WASHC5: variants seen among roughly 807,000 people sequenced by gnomAD.
WASHC5 encodes WASH complex subunit strumpellin.
In WASHC5, 101 loss-of-function variants were observed where a neutral mutation model predicts 150.4. The observed-to-expected ratio is 0.67, with a 90% CI of 0.57 to 0.79. The LOEUF is 0.79. Among genes scored for constraint, WASHC5 ranks in the 30% least tolerant of loss-of-function variants. The pLI is 0.00. For synonymous variants in WASHC5, 467 were observed against 491.2 expected (o/e 0.95, Z 0.65); for missense variants, 1,195 against 1,396.3 (o/e 0.86, Z 2.30).
rs759374219 is a variant in WASHC5 at position 125,083,702 on chromosome 8, A to G, written c.186+11T>C. ...AAAGACAACAATAAAAATGCTATAG[A>G]GGAAGATTACCTTAAAATAGCTGAA... is the stretch of plus-strand genomic sequence containing the variant. On this transcript the variant is annotated intron_variant, in intron 2 of 28. Coordinates refer to ENST00000318410, the MANE Select transcript of WASHC5 (RefSeq NM_014846.4). 3 of 1,595,470 alleles carry G rather than the reference A, an allele frequency of 1.9e-6. No homozygotes were observed. The highest frequency in any genetic ancestry group is 2.6e-6 in the Non-Finnish European group (3 of 1,164,264).
rs751427090 is a variant in WASHC5, at chr8:125,052,641, T to C, written c.2098-1976A>G. Among the ~76,000 whole-genome samples the C allele has an allele frequency of 7.0e-3, 522 of 74,740 alleles. 2 individuals carry two copies. Among genetic ancestry groups the C allele is most frequent in the Middle Eastern group, 0.017 (2 of 120 alleles). The allele number at this position is 74,740 out of a possible 152,430, so 49.0% of individuals were successfully genotyped here. ...ACACACACACACACACACACACACATACATACATGTTTTTCTGCAATTTGC... is the reference window on the plus strand; with the variant it reads ...ACACACACACACACACACACACACACACATACATGTTTTTCTGCAATTTGC... On this transcript the variant is annotated intron_variant, in intron 17 of 28. Coordinates refer to ENST00000318410, the MANE Select transcript of WASHC5 (RefSeq NM_014846.4).
At chr8:125,039,526 G>C (rs1465012287) in intron 24 of WASHC5, among the ~76,000 whole-genome samples, 1 of 152,102 alleles carries the variant, frequency 6.6e-6, no homozygotes, top group Non-Finnish European at 1.5e-5. Flanking sequence ...CATTTGTTCA[G>C]CAGACATGTA....
chr8:125,078,445 G>C (rs924571879), intron 6 of WASHC5, among the ~76,000 whole-genome samples: 2 of 152,184 alleles, frequency 1.3e-5, no homozygotes, highest in African/African-American at 4.8e-5. Context: ...CCAGCATTGC[G>C]CATGTGAATG....
At chr8:125,069,105 T>C (rs577475092) in intron 9 of WASHC5, among the ~76,000 whole-genome samples, 4 of 152,292 alleles carry the variant, frequency 2.6e-5, no homozygotes, top group East Asian at 1.9e-4. Flanking sequence ...TGGCAGGCAA[T>C]TGTGTTATGA....
At chr8:125,052,617 C>T (rs915616406) in intron 17 of WASHC5, among the ~76,000 whole-genome samples, 5 of 149,470 alleles carry the variant, frequency 3.3e-5, no homozygotes, top group African/African-American at 7.5e-5. Flanking sequence ...ACTACACACA[C>T]ACACACACAC....
In WASHC5 at chr8:125,082,370, CATT is replaced by C; in HGVS notation, c.417+10_417+12del. ...ATTCTTGAATTTCATTTTAAATAAT[CATT>C]ATTACTTACTAGAAGTTGTTTTCCA... On this transcript the variant is annotated intron_variant, in intron 4 of 28. Coordinates refer to ENST00000318410, the MANE Select transcript of WASHC5 (RefSeq NM_014846.4). The C allele has an allele frequency of 1.4e-6, 2 of 1,387,904 alleles. No individual in the cohort carries two copies. The highest frequency in any genetic ancestry group is 1.2e-5 in the South Asian group (1 of 85,888). The allele number at this position is 1,387,904 out of a possible 1,614,324, so 86.0% of individuals were successfully genotyped here.
chr8:125,059,121 C>G, intron 14 of WASHC5, 101 bp downstream of exon 14: 2 of 844,140 alleles, frequency 2.4e-6, no homozygotes, highest in African/African-American at 1.7e-5. Flanking sequence ...AAATTATTTA[C>G]CTTCCTAAAA....
intron 9 of WASHC5, among the ~76,000 whole-genome samples, chr8:125,072,350 AGT>A (rs1491520845): frequency 4.3e-3 from 56 of 12,978 alleles, no homozygotes; most frequent in African/African-American, 0.023. Context: ...AAAAAAAAAA[AGT>A]GGGGGGGGGG....
rs1197583383 is a variant in WASHC5, at chr8:125,070,708, G to A, written c.1150+2445C>T. Among the ~76,000 whole-genome samples, 3 of 152,342 alleles carry A rather than the reference G, an allele frequency of 2.0e-5. No individual in the cohort carries two copies. In the East Asian group the frequency reaches 5.8e-4, roughly 29 times the overall value. ...AAATAAACTCAACTAATTAAAAACA[G>A]ATTCAGGGATTAAAAACTTCAGCCA... On this transcript the variant is annotated intron_variant, in intron 9 of 28. Coordinates refer to ENST00000318410, the MANE Select transcript of WASHC5 (RefSeq NM_014846.4).
chr8:125,058,133 G>C (rs537158859), intron 14 of WASHC5, among the ~76,000 whole-genome samples: 1 of 151,380 alleles, frequency 6.6e-6, no homozygotes, highest in Admixed American at 6.6e-5. Context: ...ATGCCGTCAA[G>C]TGTAAGAAGT....
At chr8:125,075,641 G>A (rs1282364490) in intron 7 of WASHC5, among the ~76,000 whole-genome samples, 1 of 152,038 alleles carries the variant, frequency 6.6e-6, no homozygotes, top group East Asian at 1.9e-4. Flanking sequence ...ATTCACAGTT[G>A]GCCAGGAACC....
At chr8:125,043,725 AAAGAAAG>A in intron 23 of WASHC5, 93 bp downstream of exon 23, 1 of 802,652 alleles carries the variant, frequency 1.2e-6, no homozygotes, top group Non-Finnish European at 2.1e-6. Context: ...TTTAATGACA[AAAGAAAG>A]AAGAGTAGCT....
In WASHC5 at chr8:125,049,142, A is replaced by G. The variant is rs760834906; in HGVS notation, c.2243T>C (p.Met748Thr). The change falls in exon 19 of 29, where the codon ATG becomes ACG. Residue 748 changes from methionine to threonine, a missense_variant. This residue lies in a region of WASHC5 where 997 missense variants were observed against 1,168.1 expected (regional missense o/e 0.85). Transcript: ENST00000318410. ...MPKLKELGAT[M>T]DGFHRSFEYI... is the part of the protein sequence containing the mutation. Reference sequence around the variant, plus strand: ...TTCAAAAGAACGATGGAATCCATCCATGGTCGCTCCCAACTCTTTCAGCTT... The same window carrying G: ...TTCAAAAGAACGATGGAATCCATCCGTGGTCGCTCCCAACTCTTTCAGCTT... 9.9e-6 allele frequency: 16 copies of G among 1,614,142 alleles called. No individual in the cohort carries two copies. The highest frequency in any genetic ancestry group is 1.4e-5 in the Non-Finnish European group (16 of 1,180,012).
At chr8:125,061,240 T>C (rs1484818183) in intron 11 of WASHC5, 46 bp from the exon 12 acceptor site, 1 of 1,023,868 alleles carries the variant, frequency 9.8e-7, no homozygotes, top group Non-Finnish European at 1.5e-6. Flanking sequence ...CGAATTCCTG[T>C]AGCTGTGGCT....
rs1307409056 is a variant in WASHC5, at chr8:125,057,557, T to C, written c.1874A>G (p.Lys625Arg). ...ATATCACCCTGATGCATTTCTTACT[T>C]TTCTCACATAGGATACCAACTCTCC... ...YSGELVSYVR[K>R]VLQIIPESMF... is the part of the protein sequence containing the mutation. The change falls in exon 15 of 29, where the codon AAA (lysine) becomes AGA (arginine). Residue 625 changes from lysine (K) to arginine (R), a missense_variant and splice_region_variant. Physicochemically the swap from Lys to Arg is conservative, Grantham distance 26. Around this residue, in one of 3 missense-constraint regions of WASHC5, gnomAD observed 997 missense variants for 1,168.1 expected, o/e 0.85. Transcript: ENST00000318410. The C allele has an allele frequency of 6.3e-7, 1 of 1,592,380 alleles. No homozygotes were observed. The highest frequency in any genetic ancestry group is 8.6e-7 in the Non-Finnish European group (1 of 1,160,916).
intron 9 of WASHC5, among the ~76,000 whole-genome samples, chr8:125,071,185 TA>T (rs1307844363): frequency 6.6e-6 from 1 of 152,194 alleles, no homozygotes; most frequent in Admixed American, 6.5e-5. Context: ...ACACACCTCT[TA>T]GGGGTAGGGG....
intron 18 of WASHC5, among the ~76,000 whole-genome samples, chr8:125,050,235 A>T (rs1303721820): frequency 6.6e-6 from 1 of 152,144 alleles, no homozygotes; most frequent in Non-Finnish European, 1.5e-5. Context: ...CTTTAGGGTT[A>T]CCAAATTCTT....
rs1222459167 is a variant in WASHC5, at chr8:125,063,587, T to C, written c.1343A>G (p.Glu448Gly). The stretch of plus-strand genomic sequence containing the variant: ...GACATCAGCAAGCTCAGTCATCCGC[T>C]CCGAACCCTCTTTCTTGTAATGCTC... Reference protein sequence around the residue: ...KWEHYKKEGSERMTELADVFS... With the variant: ...KWEHYKKEGSGRMTELADVFS... The change falls in exon 11 of 29, where the codon GAG becomes GGG. Residue 448 changes from glutamate (E) to glycine (G), a missense_variant. This residue lies in a region of WASHC5 where 997 missense variants were observed against 1,168.1 expected (regional missense o/e 0.85). Transcript: ENST00000318410. The C allele has an allele frequency of 6.2e-7, 1 of 1,613,904 alleles. No homozygotes were observed. The highest frequency in any genetic ancestry group is 8.5e-7 in the Non-Finnish European group (1 of 1,179,886).
chr8:125,039,024 T>C (rs1815803657), intron 24 of WASHC5, 65 bp from the exon 25 acceptor site: 1 of 1,513,092 alleles, frequency 6.6e-7, no homozygotes, highest in South Asian at 1.1e-5. Flanking sequence ...AGAGTTAATA[T>C]AGGGCAGTGA....
Sources: gnomAD v4.1 joint callset for allele counts (sites outside exome capture counted in the v4.1 genomes callset) on GRCh38, gnomAD v4.1.1 for gene constraint, gnomAD v4.1.1 regional missense constraint, MANE v1.5 for transcripts, NCBI Gene and HGNC (gene_info 2026-07-23, HGNC 2026-07-21) for gene names.